The following PODXL2 variants were observed in gnomAD, a reference collection of about 807,000 sequenced individuals.
The protein encoded by PODXL2 is podocalyxin like 2.
A neutral mutation model predicts 53.4 loss-of-function variants in PODXL2; 17 were observed. The ratio of observed to expected loss-of-function variants is 0.32; its 90% confidence interval spans 0.22 to 0.48. The LOEUF (loss-of-function observed/expected upper bound fraction) is 0.48, where lower values mean the gene tolerates loss of function less well. Ranked by LOEUF, PODXL2 falls within the 20% of genes least tolerant of loss-of-function variation. The probability of loss-of-function intolerance (pLI) is 0.99; values close to 1 mark genes in which losing one functional copy is unlikely to be tolerated. For synonymous variants in PODXL2, 311 were observed against 306.7 expected, an observed-to-expected ratio of 1.01 and a Z score of -0.15; for missense variants, 673 against 760.0, an observed-to-expected ratio of 0.89 and a Z score of 1.35.
chr3:127,671,359 C>A, intron 6 of PODXL2, 75 bp from the exon 7 acceptor site: 2 of 1,395,902 alleles, frequency 1.4e-6, no homozygotes, highest in Non-Finnish European at 1.0e-6. Context: ...CCCACCCGAG[C>A]CCAATGCAAC....
rs774799192 is a variant in PODXL2 at position 127,660,604 on chromosome 3, G to A, written c.576G>A (p.Val192=). Residue 192 remains valine, a synonymous_variant, in exon 3 of 8, where the codon GTG becomes GTA. Transcript: ENST00000342480. ...AGGAAGAGGAGGAGCTGCTCCCTGT[G>A]AATGGATCCCAAGAAGAAGCCAAGC... is the stretch of plus-strand genomic sequence containing the variant. ...EEEEEEELLP[V]NGSQEEAKPQ... 7 of 1,614,056 alleles carry A rather than the reference G, an allele frequency of 4.3e-6. No homozygotes were observed. In the African/African-American group the frequency reaches 9.3e-5, roughly 22 times the overall value.
At chr3:127,663,029 T>C (rs966110696) in intron 4 of PODXL2, among the ~76,000 whole-genome samples, 5 of 152,184 alleles carry the variant, frequency 3.3e-5, no homozygotes, top group African/African-American at 1.2e-4. Flanking sequence ...ACCTTCTCCC[T>C]CCCCAAAACA....
At chr3:127,664,937 C>G (rs2074787594) in intron 4 of PODXL2, among the ~76,000 whole-genome samples, 1 of 152,090 alleles carries the variant, frequency 6.6e-6, no homozygotes, top group Non-Finnish European at 1.5e-5. Context: ...AGAATTTTTT[C>G]AAACCATTTG....
intron 2 of PODXL2, among the ~76,000 whole-genome samples, chr3:127,654,376 C>T (rs2074708608): frequency 1.3e-5 from 2 of 152,114 alleles, no homozygotes; most frequent in Admixed American, 1.3e-4. Flanking sequence ...AGCCTGGCTT[C>T]TTCACTCTTT....
At chr3:127,634,341 C>G (rs935081218) in intron 1 of PODXL2, among the ~76,000 whole-genome samples, 3 of 151,826 alleles carry the variant, frequency 2.0e-5, no homozygotes, top group Admixed American at 6.6e-5. Flanking sequence ...AGGAGAATCG[C>G]TTGAACTCGG....
intron 2 of PODXL2, among the ~76,000 whole-genome samples, chr3:127,657,373 C>T (rs1487359989): frequency 6.6e-6 from 1 of 152,210 alleles, no homozygotes; most frequent in Non-Finnish European, 1.5e-5. Flanking sequence ...TTGAATCCAT[C>T]AGCTATTTTA....
chr3:127,656,159 TAC>T (rs2074722052), intron 2 of PODXL2, among the ~76,000 whole-genome samples: 1 of 152,256 alleles, frequency 6.6e-6, no homozygotes, highest in South Asian at 2.1e-4. Context: ...ATTTTATTCT[TAC>T]TTAAGACACT....
Position 127,661,013 on chromosome 3 carries a change from A to G in PODXL2, c.985A>G (p.Arg329Gly). ...EHPDEDPLGS[R>G]TSASSPLAPG... ...CCCAGATGAAGATCCCCTTGGCTCT[A>G]GAACCTCAGCCTCTTCCCCACTGGC... The change falls in exon 3 of 8, where the codon AGA becomes GGA. Residue 329 changes from arginine (R) to glycine (G), a missense_variant. Physicochemically the swap from Arg to Gly is moderately radical, Grantham distance 125. Transcript: ENST00000342480. 2 of 1,614,228 alleles carry G rather than the reference A, an allele frequency of 1.2e-6. No homozygotes were observed. The highest frequency in any genetic ancestry group is 1.7e-6 in the Non-Finnish European group (2 of 1,180,018).
chr3:127,645,680 G>C (rs1208640906), intron 2 of PODXL2, among the ~76,000 whole-genome samples: 8 of 152,368 alleles, frequency 5.3e-5, no homozygotes, highest in African/African-American at 1.9e-4. Flanking sequence ...CCCTGCTTCT[G>C]TTTTCTTGCA....
At chr3:127,657,848 T>G (rs922539396) in intron 2 of PODXL2, among the ~76,000 whole-genome samples, 4 of 152,252 alleles carry the variant, frequency 2.6e-5, no homozygotes, top group Non-Finnish European at 5.9e-5. Context: ...CTTACTTACA[T>G]TGAGGTAAAA....
intron 2 of PODXL2, among the ~76,000 whole-genome samples, chr3:127,648,787 C>CTTT (rs988325770): frequency 1.5e-3 from 148 of 97,830 alleles, no homozygotes; most frequent in Non-Finnish European, 1.8e-3. Context: ...TTTTGTATTT[C>CTTT]TTTTTTTTTT....
chr3:127,654,702 T>A (rs2074710769), intron 2 of PODXL2, among the ~76,000 whole-genome samples: 1 of 152,238 alleles, frequency 6.6e-6, no homozygotes, highest in African/African-American at 2.4e-5. Flanking sequence ...AAATAAAAAC[T>A]CAAGTGCTTA....
rs901807579 is a variant in PODXL2 at position 127,634,093 on chromosome 3, G to T, written c.70+4804G>T. 7.2e-5 allele frequency among the ~76,000 whole-genome samples: 11 copies of T among 151,976 alleles called. 1 individual carries two copies. The highest frequency in any genetic ancestry group is 1.6e-4 in the Non-Finnish European group (11 of 68,006). ...GCCTTCTCGCCTTTTCAAAGGATCT[G>T]ACCTGTATGATAGAATGATAGAACC... is the stretch of plus-strand genomic sequence containing the variant. On this transcript the variant is annotated intron_variant, in intron 1 of 7. Coordinates refer to ENST00000342480, the MANE Select transcript of PODXL2 (RefSeq NM_015720.4).
intron 1 of PODXL2, among the ~76,000 whole-genome samples, chr3:127,635,938 A>G (rs901325939): frequency 1.3e-5 from 2 of 152,234 alleles, no homozygotes; most frequent in African/African-American, 4.8e-5. Context: ...GACTTCAGCT[A>G]GGACACTGAG....
chr3:127,660,355 G>T (rs1184914553), intron 2 of PODXL2, 23 bp from the exon 3 acceptor site: 2 of 1,599,016 alleles, frequency 1.3e-6, no homozygotes, highest in Admixed American at 1.7e-5. Flanking sequence ...ACAAGTGAAT[G>T]AACTTTTCAT....
At chr3:127,642,794 A>C (rs1295687664) in intron 2 of PODXL2, among the ~76,000 whole-genome samples, 1 of 152,196 alleles carries the variant, frequency 6.6e-6, no homozygotes, top group Non-Finnish European at 1.5e-5. Flanking sequence ...TTTTTATTTG[A>C]AGCACAGTGT....
chr3:127,641,953 G>T (rs1329546533), intron 2 of PODXL2, among the ~76,000 whole-genome samples: 1 of 152,112 alleles, frequency 6.6e-6, no homozygotes, highest in African/African-American at 2.4e-5. Context: ...GCACCTTCCT[G>T]GTGGTTTCCT....
chr3:127,668,788 G>C (rs188298622), intron 5 of PODXL2, among the ~76,000 whole-genome samples, 191 bp downstream of exon 5: 81 of 152,344 alleles, frequency 5.3e-4, no homozygotes, highest in African/African-American at 1.9e-3. Flanking sequence ...AGGAGGGTGT[G>C]AGAATTAAGG....
intron 6 of PODXL2, among the ~76,000 whole-genome samples, chr3:127,671,104 TTGGA>T (rs775613593): frequency 6.6e-6 from 1 of 152,048 alleles, no homozygotes; most frequent in Non-Finnish European, 1.5e-5. Context: ...CTCTCTCTAG[TTGGA>T]TGGTGTCCAG....
Sources: gnomAD v4.1 joint callset for allele counts (sites outside exome capture counted in the v4.1 genomes callset) on GRCh38, gnomAD v4.1.1 for gene constraint, MANE v1.5 for transcripts, NCBI Gene and HGNC (gene_info 2026-07-23, HGNC 2026-07-21) for gene names.